CFAP47: variants seen among roughly 807,000 people sequenced by gnomAD.
CFAP47 encodes the protein cilia and flagella associated protein 47, also known as cilia- and flagella-associated protein 47.
Under a neutral mutation model 148.1 loss-of-function variants are expected in CFAP47, and 29 were observed. The observed-to-expected ratio is 0.20, with a 90% CI of 0.15 to 0.27. CFAP47 has a LOEUF of 0.27. Ranked by LOEUF, CFAP47 falls within the 10% of genes least tolerant of loss-of-function variation. CFAP47 has a pLI of 1.00. For missense variants in CFAP47, 1,872 were observed against 1,697.5 expected (o/e 1.10, Z -1.81); for synonymous variants, 664 against 577.3 (o/e 1.15, Z -2.15).
At chrX:36,003,651 A>C (rs1030121083) in intron 21 of CFAP47, among the ~76,000 whole-genome samples, 1 of 110,803 alleles carries the variant, frequency 9.0e-6, no homozygotes, top group Non-Finnish European at 1.9e-5. Flanking sequence ...ATCTATGACA[A>C]ACCCACAGCC....
chrX:35,950,283 G>A (rs1436738845), intron 4 of CFAP47, among the ~76,000 whole-genome samples: 1 of 112,021 alleles, frequency 8.9e-6, no homozygotes, highest in African/African-American at 3.2e-5. Context: ...TAAAATGAAA[G>A]AGCAGTTCCC....
intron 53 of CFAP47, among the ~76,000 whole-genome samples, chrX:36,303,025 C>T (rs1478704922): frequency 5.4e-5 from 6 of 111,667 alleles, no homozygotes; most frequent in Non-Finnish European, 9.4e-5. Context: ...CTAGGGTTGC[C>T]ATTACAGGCA....
rs751788515 is a variant in CFAP47, at chrX:36,049,488, T to TCTCTTACA, written c.4217+2426_4217+2427insTCTTACAC. 1.7e-3 allele frequency among the ~76,000 whole-genome samples: 153 copies of TCTCTTACA among 92,277 alleles called. 2 individuals are homozygous for TCTCTTACA. The highest frequency in any genetic ancestry group is 5.5e-3 in the African/African-American group (145 of 26,242). 80.1% of individuals were successfully genotyped at this position (92,277 alleles called of 115,157 possible). A position where few individuals can be genotyped will look rare whatever the true frequency, so the allele number is the denominator to read the frequency against. ...ACTCTTCTGCATGTATTTCTCTCTC[T>TCTCTTACA]CACACACACACACACACACACACAC... On this transcript the variant is annotated intron_variant, in intron 26 of 63. Transcript: ENST00000378653.
At chrX:36,043,802 A>G (rs1242052766) in intron 25 of CFAP47, among the ~76,000 whole-genome samples, 1 of 112,476 alleles carries the variant, frequency 8.9e-6, no homozygotes, top group Non-Finnish European at 1.9e-5. Context: ...TAGCTCAACT[A>G]GGCAGTGTTC....
chrX:36,153,661 T>C (rs1198895388), intron 37 of CFAP47, among the ~76,000 whole-genome samples: 1 of 112,454 alleles, frequency 8.9e-6, no homozygotes, highest in Non-Finnish European at 1.9e-5. Context: ...CTTTGAAATA[T>C]AGGTGAAGGC....
intron 51 of CFAP47, among the ~76,000 whole-genome samples, chrX:36,296,025 C>T (rs1474324661): frequency 2.7e-5 from 3 of 111,705 alleles, no homozygotes; most frequent in African/African-American, 6.5e-5. Flanking sequence ...GTACTGGTAG[C>T]GCTAAGCATT....
chrX:35,965,872 T>C (rs975964048), intron 8 of CFAP47, among the ~76,000 whole-genome samples: 2 of 111,286 alleles, frequency 1.8e-5, no homozygotes, highest in African/African-American at 6.5e-5. Flanking sequence ...ACCACAAAGC[T>C]GAATTTTAAA....
intron 16 of CFAP47, among the ~76,000 whole-genome samples, chrX:35,991,545 G>A (rs1002741326): frequency 2.7e-5 from 3 of 109,990 alleles, no homozygotes; most frequent in Admixed American, 2.0e-4. Context: ...GATTATCACA[G>A]ATTTAGTTTA....
intron 40 of CFAP47, among the ~76,000 whole-genome samples, chrX:36,188,380 T>C (rs1472594313): frequency 8.9e-6 from 1 of 111,745 alleles, no homozygotes; most frequent in African/African-American, 3.3e-5. Context: ...ATTTTATCAA[T>C]TTTTTTGAAA....
At chrX:35,942,253 C>A (rs1463051907) in intron 3 of CFAP47, among the ~76,000 whole-genome samples, 1 of 111,285 alleles carries the variant, frequency 9.0e-6, no homozygotes, top group Non-Finnish European at 1.9e-5. Context: ...GGTCTTAAAT[C>A]CAAGCTTCTA....
chrX:35,949,030 A>G (rs1936126304), intron 4 of CFAP47, among the ~76,000 whole-genome samples: 1 of 110,520 alleles, frequency 9.0e-6, no homozygotes, highest in African/African-American at 3.3e-5. Flanking sequence ...TTGTAGTCCA[A>G]CATTTTTGTG....
intron 33 of CFAP47, among the ~76,000 whole-genome samples, chrX:36,124,976 T>C (rs753451183): frequency 6.3e-5 from 7 of 111,528 alleles, no homozygotes; most frequent in Non-Finnish European, 9.4e-5. Flanking sequence ...GAGTGACATT[T>C]CAAAATCCAT....
intron 1 of CFAP47, among the ~76,000 whole-genome samples, chrX:35,922,461 A>G (rs1935592869): frequency 8.9e-6 from 1 of 112,538 alleles, no homozygotes. Flanking sequence ...GTGCTCAACA[A>G]CATGCAGTTT....
chrX:36,190,991 G>A (rs142493091), intron 42 of CFAP47, among the ~76,000 whole-genome samples: 1 of 111,400 alleles, frequency 9.0e-6, no homozygotes, highest in Admixed American at 9.6e-5. Context: ...TTGGAAAGAG[G>A]TATTGTACTT....
chrX:36,083,266 T>C (rs1030419152), intron 29 of CFAP47, among the ~76,000 whole-genome samples: 4 of 110,602 alleles, frequency 3.6e-5, no homozygotes, highest in Non-Finnish European at 5.7e-5. Context: ...TATGCATGTA[T>C]ACATGCATGT....
intron 2 of CFAP47, among the ~76,000 whole-genome samples, chrX:35,934,555 C>T (rs768574140): frequency 1.8e-5 from 2 of 110,621 alleles, no homozygotes; most frequent in African/African-American, 3.3e-5. Flanking sequence ...TTCTATACCT[C>T]TGTGGCCAAG....
In CFAP47 at chrX:36,039,062, C is replaced by G. The variant is rs1937370954; in HGVS notation, c.3890C>G (p.Thr1297Ser). 1 of 1,122,762 alleles carries G rather than the reference C, an allele frequency of 8.9e-7. No homozygotes were observed. The highest frequency in any genetic ancestry group is 1.2e-6 in the Non-Finnish European group (1 of 836,623). The allele number at this position is 1,122,762 out of a possible 1,213,427, so 92.5% of individuals were successfully genotyped here. Residue 1297 changes from threonine (T) to serine (S), a missense_variant, in exon 25 of 64, where the codon ACT becomes AGT. Coordinates refer to ENST00000378653, the MANE Select transcript of CFAP47 (RefSeq NM_001304548.2). ...IPVCYKILHLTGEVKSPELLF... is the reference protein window; with the variant it reads ...IPVCYKILHLSGEVKSPELLF... Reference sequence around the variant, plus strand: ...GTTTGCTATAAAATATTACATCTTACTGGGGAAGTAAAATCACCAGAGTTA... The same window carrying G: ...GTTTGCTATAAAATATTACATCTTAGTGGGGAAGTAAAATCACCAGAGTTA...
chrX:35,997,800 T>G (rs753162463), intron 19 of CFAP47, among the ~76,000 whole-genome samples: 96 of 111,920 alleles, frequency 8.6e-4, no homozygotes, highest in African/African-American at 3.1e-3. Context: ...TTTGGTGAGT[T>G]ACTTTTACTT....
At position 35,989,401 on chromosome X, in the gene CFAP47, T is replaced by A. The variant is rs1936758889; in HGVS notation, c.2796T>A (p.Ile932=). ...GTTCTCCAGAAGAAGGAGAATTTAT[T>A]CTTCATGTCTTTCAAGGAAACGCGT... The part of the protein sequence containing the change: ...GFSSPEEGEF[I]LHVFQGNALK... The change falls in exon 16 of 64, where the codon ATT becomes ATA. Residue 932 remains isoleucine, a synonymous_variant. Transcript: ENST00000378653. The A allele has an allele frequency of 8.3e-7, 1 of 1,209,288 alleles. No homozygotes were observed. The highest frequency in any genetic ancestry group is 1.7e-5 in the African/African-American group (1 of 57,359).
Sources: allele counts gnomAD v4.1 joint callset (sites outside exome capture counted in the v4.1 genomes callset), GRCh38; gene constraint gnomAD v4.1.1; transcripts MANE v1.5; gene names NCBI Gene and HGNC (gene_info 2026-07-23, HGNC 2026-07-21).